SLC9A7: variants seen among roughly 807,000 people sequenced by gnomAD.
SLC9A7 encodes sodium/hydrogen exchanger 7.
A neutral mutation model predicts 52.6 loss-of-function variants in SLC9A7; 19 were observed. The ratio of observed to expected loss-of-function variants is 0.36; its 90% CI spans 0.25 to 0.53. SLC9A7 has a LOEUF of 0.53. Ranked by LOEUF, SLC9A7 falls within the 20% of genes least tolerant of loss-of-function variation. The pLI is 0.91. For synonymous variants in SLC9A7, 226 were observed against 252.1 expected (o/e 0.90, Z 0.98); for missense variants, 455 against 597.9 (o/e 0.76, Z 2.49).
At chrX:46,719,728 G>C (rs1166069323) in intron 1 of SLC9A7, among the ~76,000 whole-genome samples, 1 of 111,002 alleles carries the variant, frequency 9.0e-6, no homozygotes, top group Admixed American at 9.6e-5. Flanking sequence ...AACTATCTCA[G>C]GGTTTTGTGG....
At chrX:46,726,125 C>G (rs1944941663) in intron 1 of SLC9A7, among the ~76,000 whole-genome samples, 1 of 110,882 alleles carries the variant, frequency 9.0e-6, no homozygotes, top group Admixed American at 9.6e-5. Flanking sequence ...CCATGGCTCA[C>G]TCCTGCAATC....
intron 1 of SLC9A7, among the ~76,000 whole-genome samples, chrX:46,740,284 T>C (rs781058787): frequency 1.8e-5 from 2 of 111,749 alleles, no homozygotes; most frequent in Non-Finnish European, 3.8e-5. Context: ...GGGGAAAAGC[T>C]GAAAGCCTTT....
At chrX:46,656,017 G>T (rs1415694765) in intron 7 of SLC9A7, among the ~76,000 whole-genome samples, 4 of 107,433 alleles carry the variant, frequency 3.7e-5, no homozygotes, top group Non-Finnish European at 7.8e-5. Flanking sequence ...GCACGCAGCT[G>T]GAGATCTGAG....
intron 1 of SLC9A7, among the ~76,000 whole-genome samples, chrX:46,719,316 G>A (rs1444420176): frequency 2.0e-5 from 2 of 97,808 alleles, no homozygotes; most frequent in African/African-American, 3.6e-5. Flanking sequence ...AGGGGGAAGG[G>A]ATAGCATTAG....
intron 11 of SLC9A7, among the ~76,000 whole-genome samples, chrX:46,645,009 C>A (rs978903731): frequency 3.3e-4 from 37 of 111,911 alleles, no homozygotes; most frequent in African/African-American, 1.2e-3. Flanking sequence ...CAGAGAGAGA[C>A]CAAGTATAAT....
At chrX:46,610,489 G>A (rs1223453702) in intron 16 of SLC9A7, among the ~76,000 whole-genome samples, 1 of 112,209 alleles carries the variant, frequency 8.9e-6, no homozygotes, top group Admixed American at 9.4e-5. Flanking sequence ...AAACTTTGCA[G>A]TGAGCCCCTT....
At chrX:46,752,802 G>A (rs1179908243) in intron 1 of SLC9A7, among the ~76,000 whole-genome samples, 6 of 111,066 alleles carry the variant, frequency 5.4e-5, no homozygotes, top group African/African-American at 2.0e-4. Flanking sequence ...CAACAGGCAA[G>A]TAACCTGTGG....
At chrX:46,720,419 TTTTCTGCAGTCG>T (rs1341443814) in intron 1 of SLC9A7, among the ~76,000 whole-genome samples, 1 of 110,553 alleles carries the variant, frequency 9.0e-6, no homozygotes, top group Non-Finnish European at 1.9e-5. Flanking sequence ...CCTGACTGGA[TTTTCTGCAGTCG>T]TTTCTTAACT....
chrX:46,757,899 TAAC>T (rs1263764028), intron 1 of SLC9A7, among the ~76,000 whole-genome samples: 24 of 111,568 alleles, frequency 2.2e-4, no homozygotes, highest in Non-Finnish European at 4.1e-4. Context: ...AGCCCACCCC[TAAC>T]AACAAAAGAT....
chrX:46,698,108 T>C (rs777411416), intron 1 of SLC9A7, among the ~76,000 whole-genome samples: 1 of 112,093 alleles, frequency 8.9e-6, no homozygotes, highest in Non-Finnish European at 1.9e-5. Flanking sequence ...GCCCAAAACT[T>C]CATTAGCAAT....
intron 12 of SLC9A7, 110 bp downstream of exon 12, chrX:46,643,126 G>A: frequency 1.4e-6 from 1 of 703,462 alleles, no homozygotes; most frequent in Non-Finnish European, 2.0e-6. Flanking sequence ...CAAAACCAAA[G>A]ACTGTAAAAG....
intron 1 of SLC9A7, among the ~76,000 whole-genome samples, chrX:46,723,381 A>G (rs182550650): frequency 9.1e-6 from 1 of 109,355 alleles, no homozygotes; most frequent in Admixed American, 9.8e-5. Flanking sequence ...CCACAAAGCA[A>G]TGTCTGAATC....
intron 1 of SLC9A7, among the ~76,000 whole-genome samples, chrX:46,734,617 T>G (rs1945093185): frequency 2.7e-5 from 3 of 111,683 alleles, no homozygotes; most frequent in South Asian, 7.6e-4. Context: ...AGGGACCTGA[T>G]GAGTTATTAA....
chrX:46,635,796 TA>T (rs1308726604), intron 12 of SLC9A7, 148 bp from the exon 13 acceptor site: 4 of 427,847 alleles, frequency 9.3e-6, no homozygotes, highest in Non-Finnish European at 1.2e-5. Flanking sequence ...CCCCATCCTC[TA>T]AAACCCAGAG....
intron 1 of SLC9A7, among the ~76,000 whole-genome samples, chrX:46,749,074 A>G (rs953165840): frequency 8.9e-6 from 1 of 112,065 alleles, no homozygotes; most frequent in African/African-American, 3.2e-5. Context: ...TTCCTTAAAC[A>G]GTCTGCTGCA....
At chrX:46,687,267 G>A (rs979472077) in intron 1 of SLC9A7, among the ~76,000 whole-genome samples, 1 of 112,002 alleles carries the variant, frequency 8.9e-6, no homozygotes, top group Non-Finnish European at 1.9e-5. Context: ...CTGTTCTTTA[G>A]TGAGACCTCA....
chrX:46,653,517 A>T (rs1943617665), intron 8 of SLC9A7, 92 bp downstream of exon 8: 3 of 552,037 alleles, frequency 5.4e-6, no homozygotes, highest in Non-Finnish European at 9.1e-6. Flanking sequence ...AACTCTGTGC[A>T]GCTGTTATCT....
chrX:46,613,105 T>C (rs939579991), intron 16 of SLC9A7, among the ~76,000 whole-genome samples, 184 bp downstream of exon 16: 1 of 110,861 alleles, frequency 9.0e-6, no homozygotes, highest in Non-Finnish European at 1.9e-5. Context: ...ATTACCCTGG[T>C]AAAAGCTTTC....
intron 1 of SLC9A7, among the ~76,000 whole-genome samples, chrX:46,717,865 A>G (rs1341618379): frequency 9.0e-6 from 1 of 111,578 alleles, no homozygotes; most frequent in East Asian, 2.8e-4. Flanking sequence ...AAATGGCCAT[A>G]CTGCCCAAGG....
Sources: gnomAD v4.1 joint callset for allele counts (sites outside exome capture counted in the v4.1 genomes callset) on GRCh38, gnomAD v4.1.1 for gene constraint, MANE v1.5 for transcripts, NCBI Gene and HGNC (gene_info 2026-07-23, HGNC 2026-07-21) for gene names.